The following SULT1C2 variants were observed in gnomAD, a reference collection of about 807,000 sequenced individuals.
The protein encoded by SULT1C2 is sulfotransferase 1C2.
A neutral mutation model predicts 36.0 loss-of-function variants in SULT1C2; 27 were observed. That is an observed-to-expected ratio of 0.75 (90% CI 0.55 to 1.03). The LOEUF (loss-of-function observed/expected upper bound fraction) is 1.03, where lower values mean the gene tolerates loss of function less well. SULT1C2 is among the 50% of genes least tolerant of loss of function. The pLI is 0.00. For missense variants in SULT1C2, 395 were observed against 359.2 expected, an observed-to-expected ratio of 1.10 and a Z score of -0.80; for synonymous variants, 121 against 116.0, an observed-to-expected ratio of 1.04 and a Z score of -0.27.
chr2:108,295,667 T>A (rs1468734906), intron 3 of SULT1C2, among the ~76,000 whole-genome samples: 1 of 152,210 alleles, frequency 6.6e-6, no homozygotes, highest in Non-Finnish European at 1.5e-5. Flanking sequence ...CATTAACAAA[T>A]TCAGTATAGG....
intron 3 of SULT1C2, 94 bp downstream of exon 3, chr2:108,294,448 C>CTCTCCTTCCTCTTT (rs1365016395): frequency 8.4e-6 from 5 of 592,528 alleles, no homozygotes; most frequent in Non-Finnish European, 1.3e-5. Context: ...CTTCTCTCCT[C>CTCTCCTTCCTCTTT]TCTCTCTCCC....
chr2:108,305,147 A>C, intron 5 of SULT1C2, 25 bp from the exon 6 acceptor site: 1 of 1,613,662 alleles, frequency 6.2e-7, no homozygotes, highest in African/African-American at 1.3e-5. Flanking sequence ...TATGTAGACT[A>C]TTCTGTTTCC....
intron 1 of SULT1C2, among the ~76,000 whole-genome samples, chr2:108,292,654 G>A: frequency 6.6e-6 from 1 of 152,114 alleles, no homozygotes; most frequent in East Asian, 1.9e-4. Context: ...GGAAAAACTG[G>A]AACCCTTGTG....
Position 108,308,415 on chromosome 2 carries a change from A to C in SULT1C2, c.842A>C (p.Tyr281Ser), listed in dbSNP as rs776658827. 3 of 1,613,196 alleles carry C rather than the reference A, an allele frequency of 1.9e-6. No individual in the cohort carries two copies. Among genetic ancestry groups the C allele is most frequent in the Admixed American group, 1.7e-5 (1 of 59,740 alleles). ...VAQNERFDEI[Y>S]RRKMEGTSIN... The stretch of plus-strand genomic sequence containing the variant: ...CAGAATGAGAGGTTTGATGAAATCT[A>C]TAGAAGAAAGATGGAAGGAACCTCC... Residue 281 changes from tyrosine to serine, a missense_variant, in exon 8 of 8, where the codon TAT (tyrosine) becomes TCT (serine). By Grantham distance (144) the Tyr-to-Ser change is moderately radical (BLOSUM62 -2). Coordinates refer to ENST00000251481, the MANE Select transcript of SULT1C2 (RefSeq NM_001056.4).
Position 108,300,867 on chromosome 2 carries a change from C to G in SULT1C2, c.307C>G (p.Pro103Ala), listed in dbSNP as rs769057208. 2 of 1,614,148 alleles carry G rather than the reference C, an allele frequency of 1.2e-6. No homozygotes were observed. Among genetic ancestry groups the G allele is most frequent in the Admixed American group, 1.7e-5 (1 of 60,022 alleles). Residue 103 changes from proline to alanine, a missense_variant, in exon 4 of 8, where the codon CCA becomes GCA. Pro to Ala is a conservative substitution (Grantham distance 27, BLOSUM62 -1). Coordinates refer to ENST00000251481, the MANE Select transcript of SULT1C2 (RefSeq NM_001056.4). ...GGAAAAAGCCAAAGCAATGCCCTCT[C>G]CACGGATACTAAAGACTCACCTTTC... ...GVEKAKAMPS[P>A]RILKTHLSTQ...
intron 2 of SULT1C2, among the ~76,000 whole-genome samples, chr2:108,294,022 G>A (rs1157721145): frequency 6.6e-6 from 1 of 152,156 alleles, no homozygotes; most frequent in Non-Finnish European, 1.5e-5. Flanking sequence ...CTTGGGTGGA[G>A]AGACCCTTGC....
chr2:108,306,450 AT>A (rs950911460), intron 7 of SULT1C2, among the ~76,000 whole-genome samples: 17 of 147,070 alleles, frequency 1.2e-4, no homozygotes, highest in African/African-American at 4.1e-4. Context: ...ACAAAAAAAA[AT>A]TAATTAGCTG....
chr2:108,305,683 C>T, intron 7 of SULT1C2, 88 bp downstream of exon 7: 1 of 1,482,114 alleles, frequency 6.7e-7, no homozygotes, highest in South Asian at 1.2e-5. Flanking sequence ...TTATTAATTC[C>T]AAGCCAATGC....
At chr2:108,290,871 A>G (rs372132497) in intron 1 of SULT1C2, among the ~76,000 whole-genome samples, 2 of 152,244 alleles carry the variant, frequency 1.3e-5, no homozygotes, top group South Asian at 2.1e-4. Flanking sequence ...ATGTTTATAT[A>G]TATGTATACT....
intron 1 of SULT1C2, among the ~76,000 whole-genome samples, chr2:108,291,340 A>C (rs943165854): frequency 3.3e-5 from 5 of 152,182 alleles, no homozygotes; most frequent in African/African-American, 4.8e-5. Context: ...TGGTCACATT[A>C]GACCCACCGG....
At position 108,294,171 on chromosome 2, in the gene SULT1C2, C is replaced by T. The variant is rs1676664999; in HGVS notation, c.152-58C>T. On this transcript the variant is annotated intron_variant, in intron 2 of 7. Coordinates refer to ENST00000251481, the MANE Select transcript of SULT1C2 (RefSeq NM_001056.4). ...ACATCCTCTTCGTTTACTCGGGACT[C>T]TTCAGGGAAGATTGTCTAACAGATT... 1.9e-6 allele frequency: 3 copies of T among 1,607,382 alleles called. No individual in the cohort carries two copies. The East Asian group carries it at 6.7e-5, about 36-fold the overall frequency.
chr2:108,293,888 TC>T, intron 2 of SULT1C2, 70 bp downstream of exon 2: 1 of 1,556,030 alleles, frequency 6.4e-7, no homozygotes, highest in Non-Finnish European at 8.7e-7. Flanking sequence ...AAGTTAGAAT[TC>T]CCCTTCTTAG....
chr2:108,296,627 AT>A (rs1161752215), intron 3 of SULT1C2, among the ~76,000 whole-genome samples: 2 of 152,102 alleles, frequency 1.3e-5, no homozygotes, highest in Non-Finnish European at 2.9e-5. Context: ...AATTTTTGGT[AT>A]TTTTAGTACA....
intron 3 of SULT1C2, among the ~76,000 whole-genome samples, chr2:108,296,554 C>T (rs775579618): frequency 7.2e-5 from 11 of 151,984 alleles, no homozygotes; most frequent in Admixed American, 1.3e-4. Context: ...CGGGTTCAAG[C>T]AATTCTCCTG....
rs575808262 is a variant in SULT1C2 at position 108,307,388 on chromosome 2, C to T, written c.779-964C>T. Among the ~76,000 whole-genome samples, 4 of 152,264 alleles carry T rather than the reference C, an allele frequency of 2.6e-5. No homozygotes were observed. In the East Asian group the frequency reaches 5.8e-4, roughly 22 times the overall value. On this transcript the variant is annotated intron_variant, in intron 7 of 7. Transcript: ENST00000251481. ...TTTACTTACCAGGATATGAGAAACC[C>T]CTCTAGGGCAAGGCATATAGACTCA... is the stretch of plus-strand genomic sequence containing the variant.
chr2:108,291,246 G>A (rs186841808), intron 1 of SULT1C2, among the ~76,000 whole-genome samples: 195 of 152,222 alleles, frequency 1.3e-3, no homozygotes, highest in Non-Finnish European at 1.6e-3. Context: ...TCATTCTCAT[G>A]CTTCCAAACT....
At chr2:108,307,152 G>A (rs1480738242) in intron 7 of SULT1C2, among the ~76,000 whole-genome samples, 1 of 152,138 alleles carries the variant, frequency 6.6e-6, no homozygotes, top group Non-Finnish European at 1.5e-5. Context: ...ATCTACAACA[G>A]TATTCCATAC....
intron 3 of SULT1C2, among the ~76,000 whole-genome samples, chr2:108,296,183 G>T (rs1221285568): frequency 1.3e-5 from 2 of 152,160 alleles, no homozygotes; most frequent in African/African-American, 4.8e-5. Context: ...AAAGAGGAGA[G>T]GCCTAAGCAA....
chr2:108,296,593 A>G (rs1329495680), intron 3 of SULT1C2, among the ~76,000 whole-genome samples: 1 of 152,172 alleles, frequency 6.6e-6, no homozygotes, highest in African/African-American at 2.4e-5. Context: ...CTGGAATTAC[A>G]GGCACCTGCC....
Sources: gnomAD v4.1 joint callset for allele counts (sites outside exome capture counted in the v4.1 genomes callset) on GRCh38, gnomAD v4.1.1 for gene constraint, MANE v1.5 for transcripts, NCBI Gene and HGNC (gene_info 2026-07-23, HGNC 2026-07-21) for gene names.